UBE2R2: variants seen among roughly 807,000 people sequenced by gnomAD.
UBE2R2 encodes the protein ubiquitin-conjugating enzyme E2 R2.
UBE2R2 carries 1 observed loss-of-function variant against 27.8 expected under a neutral mutation model. That is an observed-to-expected ratio of 0.04 (90% CI 0.01 to 0.17). The LOEUF is 0.17. Among genes scored for constraint, UBE2R2 ranks in the 10% least tolerant of loss-of-function variants. UBE2R2 has a pLI of 1.00. For synonymous variants in UBE2R2, 106 were observed against 113.3 expected (o/e 0.94, Z 0.41); for missense variants, 100 against 291.0 (o/e 0.34, Z 4.78).
intron 1 of UBE2R2, among the ~76,000 whole-genome samples, chr9:33,830,039 C>T (rs772211676): frequency 1.3e-4 from 19 of 151,420 alleles, no homozygotes; most frequent in African/African-American, 2.9e-4. Context: ...TCTGGTGATC[C>T]GCCCTCCTCG....
At chr9:33,820,280 C>T (rs1396928114) in intron 1 of UBE2R2, among the ~76,000 whole-genome samples, 13 of 152,110 alleles carry the variant, frequency 8.5e-5, no homozygotes. Context: ...GAACTTCAGT[C>T]CTTGTTTAAA....
chr9:33,818,262 A>G (rs944532851), intron 1 of UBE2R2, among the ~76,000 whole-genome samples: 1 of 151,192 alleles, frequency 6.6e-6, no homozygotes, highest in African/African-American at 2.4e-5. Context: ...GCGGTGGTCT[A>G]TCTGTGCTTT....
Position 33,917,375 on chromosome 9 carries a change from C to T in UBE2R2, c.*138C>T. ...AACACACACAGCTCCTGCTGACTCCCCTTATGGATCTCAGTTTGCTCCTTT... is the reference window on the plus strand; with the variant it reads ...AACACACACAGCTCCTGCTGACTCCTCTTATGGATCTCAGTTTGCTCCTTT... On this transcript the variant is annotated 3_prime_UTR_variant, in exon 5 of 5. Transcript: ENST00000263228. 2.3e-6 allele frequency: 3 copies of T among 1,314,480 alleles called. No homozygotes were observed. The highest frequency in any genetic ancestry group is 1.4e-5 in the South Asian group (1 of 70,424). The allele number at this position is 1,314,480 out of a possible 1,614,324, so 81.4% of individuals were successfully genotyped here. A position where few individuals can be genotyped will look rare whatever the true frequency, so the allele number is the denominator to read the frequency against.
chr9:33,860,414 CTT>C (rs972123295), intron 1 of UBE2R2, among the ~76,000 whole-genome samples: 2 of 152,120 alleles, frequency 1.3e-5, no homozygotes, highest in African/African-American at 2.4e-5. Context: ...CCCTACCACT[CTT>C]TGGCTGTGTA....
At chr9:33,877,823 G>GTCTGTCTCTCTGTC in intron 1 of UBE2R2, among the ~76,000 whole-genome samples, 3 of 131,100 alleles carry the variant, frequency 2.3e-5, no homozygotes, top group Non-Finnish European at 4.7e-5. Context: ...CTGTCTGTCT[G>GTCTGTCTCTCTGTC]TCTCTCTCTC....
chr9:33,881,917 C>A (rs1006002801), intron 1 of UBE2R2, among the ~76,000 whole-genome samples: 1 of 152,170 alleles, frequency 6.6e-6, no homozygotes, highest in Non-Finnish European at 1.5e-5. Flanking sequence ...GGGAATTCAA[C>A]TTCACCACCT....
At chr9:33,826,139 C>G (rs1820310740) in intron 1 of UBE2R2, among the ~76,000 whole-genome samples, 1 of 144,592 alleles carries the variant, frequency 6.9e-6, no homozygotes, top group African/African-American at 2.6e-5. Flanking sequence ...GAATGGGACT[C>G]TGTCTCAAAA....
chr9:33,892,255 A>G (rs1158720310), intron 2 of UBE2R2, among the ~76,000 whole-genome samples: 1 of 152,192 alleles, frequency 6.6e-6, no homozygotes, highest in East Asian at 1.9e-4. Context: ...ATTGTTAAAA[A>G]GTAGACAACT....
intron 1 of UBE2R2, among the ~76,000 whole-genome samples, chr9:33,838,103 A>G (rs755213302): frequency 2.0e-5 from 3 of 151,872 alleles, no homozygotes; most frequent in Non-Finnish European, 2.9e-5. Flanking sequence ...CTTATATAAA[A>G]TGATATAGTA....
intron 1 of UBE2R2, among the ~76,000 whole-genome samples, chr9:33,869,889 C>T (rs10971751): frequency 0.079 from 12,000 of 151,754 alleles, 686 homozygotes; most frequent in Non-Finnish European, 0.12. Context: ...TCTTGTTGCC[C>T]AGGCTGGAGT....
At chr9:33,828,394 C>CTTT (rs200771475) in intron 1 of UBE2R2, among the ~76,000 whole-genome samples, 5 of 135,418 alleles carry the variant, frequency 3.7e-5, no homozygotes, top group African/African-American at 8.2e-5. Context: ...TCTCTTAAAA[C>CTTT]TTTTTTTTTT....
At position 33,817,181 on chromosome 9, in the gene UBE2R2, C is replaced by A. The variant is rs951279072; in HGVS notation, c.-577C>A. ...CCCTGCTTCTCGGCTCCGTTGCTCCCGCGGCGCGAGGCGCTCTCGCTCTCC... is the reference window on the plus strand; with the variant it reads ...CCCTGCTTCTCGGCTCCGTTGCTCCAGCGGCGCGAGGCGCTCTCGCTCTCC... On this transcript the variant is annotated 5_prime_UTR_variant, in exon 1 of 5. Coordinates refer to ENST00000263228, the MANE Select transcript of UBE2R2 (RefSeq NM_017811.4). Among the ~76,000 whole-genome samples the A allele has an allele frequency of 1.3e-5, 2 of 150,196 alleles. No individual in the cohort carries two copies. The highest frequency in any genetic ancestry group is 4.9e-5 in the African/African-American group (2 of 40,812).
chr9:33,843,672 T>C (rs780116092), intron 1 of UBE2R2, among the ~76,000 whole-genome samples: 18 of 151,996 alleles, frequency 1.2e-4, no homozygotes, highest in Admixed American at 2.0e-4. Flanking sequence ...AGAGATGGGG[T>C]TTCACCATGT....
chr9:33,901,595 C>T (rs1016555639), intron 3 of UBE2R2, among the ~76,000 whole-genome samples: 1 of 152,082 alleles, frequency 6.6e-6, no homozygotes, highest in Admixed American at 6.6e-5. Flanking sequence ...TTTACTGATA[C>T]AAAAACTAAT....
At chr9:33,885,640 A>G (rs1341508758) in intron 1 of UBE2R2, among the ~76,000 whole-genome samples, 1 of 152,244 alleles carries the variant, frequency 6.6e-6, no homozygotes, top group Non-Finnish European at 1.5e-5. Flanking sequence ...AGGCTGCTGC[A>G]CAGCTAGAGT....
At chr9:33,862,020 G>GT (rs1419401237) in intron 1 of UBE2R2, among the ~76,000 whole-genome samples, 2 of 151,110 alleles carry the variant, frequency 1.3e-5, no homozygotes, top group Admixed American at 6.6e-5. Flanking sequence ...TGCCTGACTA[G>GT]TTTTTTTTAT....
chr9:33,847,132 CT>C (rs1353519267), intron 1 of UBE2R2, among the ~76,000 whole-genome samples: 1 of 150,960 alleles, frequency 6.6e-6, no homozygotes, highest in Non-Finnish European at 1.5e-5. Context: ...GAGTATCACT[CT>C]GTTGCCCAGT....
At chr9:33,849,029 G>T (rs1441809158) in intron 1 of UBE2R2, among the ~76,000 whole-genome samples, 1 of 151,694 alleles carries the variant, frequency 6.6e-6, no homozygotes, top group African/African-American at 2.4e-5. Flanking sequence ...GGCCAAGGAG[G>T]GCGGATCACC....
At chr9:33,911,898 A>T in intron 3 of UBE2R2, 66 bp from the exon 4 acceptor site, 1 of 1,463,824 alleles carries the variant, frequency 6.8e-7, no homozygotes, top group South Asian at 1.5e-5. Context: ...CTATCTTAAA[A>T]AGCAGAATAC....
Sources: gnomAD v4.1 joint callset for allele counts (sites outside exome capture counted in the v4.1 genomes callset) on GRCh38, gnomAD v4.1.1 for gene constraint, MANE v1.5 for transcripts, NCBI Gene and HGNC (gene_info 2026-07-23, HGNC 2026-07-21) for gene names.